CAST: variants seen among roughly 807,000 people sequenced by gnomAD.
CAST encodes MIR583 host.
A neutral mutation model predicts 119.6 loss-of-function variants in CAST; 76 were observed. The observed-to-expected ratio is 0.64, with a 90% CI of 0.53 to 0.77. CAST has a LOEUF of 0.77. CAST is among the 30% of genes least tolerant of loss of function. The pLI is 0.00. For missense variants in CAST, 953 were observed against 946.5 expected, an observed-to-expected ratio of 1.01 and a Z score of -0.09; for synonymous variants, 319 against 331.6, an observed-to-expected ratio of 0.96 and a Z score of 0.41.
chr5:96,274,992 A>T, the CAST span, among the ~76,000 whole-genome samples: 4 of 152,214 alleles, frequency 2.6e-5, no homozygotes, highest in African/African-American at 7.2e-5. Context: ...TGAACAATTT[A>T]TACTTTGAGG....
In CAST at chr5:96,650,281, G is replaced by A. The variant is rs1257166227; in HGVS notation, c.61-25258G>A. ...TAGAAGAATAATTAGGACTCTTCAC[G>A]CATTTTCCTTTTCCCTGTTAGAGGC... is the stretch of plus-strand genomic sequence containing the variant. On this transcript the variant is annotated intron_variant, in intron 1 of 11. Coordinates refer to the CAST transcript ENST00000505143. Among the ~76,000 whole-genome samples, 7 of 152,276 alleles carry A rather than the reference G, an allele frequency of 4.6e-5. No homozygotes were observed. The South Asian group carries it at 6.2e-4, about 14-fold the overall frequency.
the CAST span, among the ~76,000 whole-genome samples, chr5:96,493,266 A>G: frequency 6.6e-6 from 1 of 152,110 alleles, no homozygotes; most frequent in African/African-American, 2.4e-5. Flanking sequence ...AACATTTTTT[A>G]TGCCATTTTC....
the CAST span, among the ~76,000 whole-genome samples, chr5:96,055,062 A>G: frequency 2.6e-5 from 4 of 152,072 alleles, no homozygotes; most frequent in East Asian, 7.7e-4. Flanking sequence ...AGCCATGCAG[A>G]TTTATTCTTC....
chr5:96,461,407 T>C, the CAST span, among the ~76,000 whole-genome samples: 1 of 152,130 alleles, frequency 6.6e-6, no homozygotes, highest in African/African-American at 2.4e-5. Flanking sequence ...AGCACCTCTA[T>C]ATTTAACTTT....
the CAST span, among the ~76,000 whole-genome samples, chr5:96,099,865 C>T: frequency 6.6e-6 from 1 of 152,198 alleles, no homozygotes; most frequent in Non-Finnish European, 1.5e-5. Flanking sequence ...AAAGGAGTCC[C>T]TCCTCCTCAA....
At chr5:96,425,994 ACTATCT>A in the CAST span, 1 of 893,148 alleles carries the variant, frequency 1.1e-6, no homozygotes, top group Non-Finnish European at 1.8e-6. Context: ...ACTTCCTCTA[ACTATCT>A]CCAGTACCCT....
intron 1 of CAST, among the ~76,000 whole-genome samples, chr5:96,548,895 G>A (rs563215833): frequency 2.6e-5 from 4 of 152,344 alleles, no homozygotes; most frequent in East Asian, 3.9e-4. Context: ...TTAGTTCATA[G>A]CTGTCAGGCA....
the CAST span, among the ~76,000 whole-genome samples, chr5:96,193,828 G>A: frequency 6.6e-6 from 1 of 152,166 alleles, no homozygotes; most frequent in Non-Finnish European, 1.5e-5. Flanking sequence ...ATAGATGTTT[G>A]CATCCAGATG....
At chr5:96,469,129 A>G in the CAST span, among the ~76,000 whole-genome samples, 3 of 152,096 alleles carry the variant, frequency 2.0e-5, no homozygotes, top group Non-Finnish European at 4.4e-5. Flanking sequence ...GCTATGATTC[A>G]TTCACGAGTA....
the CAST span, among the ~76,000 whole-genome samples, chr5:96,328,382 C>CCTCT: frequency 2.1e-4 from 4 of 18,932 alleles, no homozygotes; most frequent in East Asian, 2.7e-3. Flanking sequence ...CTTCTCTCTC[C>CCTCT]CTCTCTCTCT....
the CAST span, among the ~76,000 whole-genome samples, chr5:96,414,729 C>A: frequency 2.0e-5 from 3 of 152,186 alleles, no homozygotes; most frequent in African/African-American, 7.2e-5. Flanking sequence ...GATTCTTTCA[C>A]AAACTATAGC....
the CAST span, among the ~76,000 whole-genome samples, chr5:96,286,664 A>G: frequency 1.3e-4 from 20 of 152,160 alleles, no homozygotes; most frequent in South Asian, 4.1e-3. Flanking sequence ...AGACTGTTGC[A>G]TTTTTATTTT....
At chr5:96,135,691 T>C in the CAST span, among the ~76,000 whole-genome samples, 1 of 152,126 alleles carries the variant, frequency 6.6e-6, no homozygotes, top group Admixed American at 6.6e-5. Context: ...TGTTTCTGCC[T>C]TCTGTGTCCT....
the CAST span, among the ~76,000 whole-genome samples, chr5:96,234,879 A>G: frequency 6.6e-6 from 1 of 152,132 alleles, no homozygotes. Flanking sequence ...CATAAAATAA[A>G]TTACATATGT....
chr5:95,988,672 G>C, the CAST span, among the ~76,000 whole-genome samples: 1 of 152,068 alleles, frequency 6.6e-6, no homozygotes, highest in Admixed American at 6.6e-5. Context: ...ATGTTGGATG[G>C]GTTTCTTTAC....
At chr5:96,725,780 G>T (rs1759143181) in intron 4 of CAST, among the ~76,000 whole-genome samples, 2 of 152,140 alleles carry the variant, frequency 1.3e-5, no homozygotes, top group African/African-American at 4.8e-5. Context: ...TATACTACCA[G>T]CTGGCTTATT....
At chr5:96,432,779 TG>T in the CAST span, 2 of 1,136,524 alleles carry the variant, frequency 1.8e-6, no homozygotes, top group Non-Finnish European at 2.7e-6. Flanking sequence ...GAGTGCAACC[TG>T]GGGCTCCCAC....
the CAST span, among the ~76,000 whole-genome samples, chr5:96,010,105 G>T: frequency 6.6e-6 from 1 of 152,110 alleles, no homozygotes; most frequent in African/African-American, 2.4e-5. Flanking sequence ...ATGGTTATAG[G>T]CATGGGGCTT....
chr5:96,555,212 C>T (rs1448964065), intron 1 of CAST, among the ~76,000 whole-genome samples: 1 of 152,204 alleles, frequency 6.6e-6, no homozygotes, highest in Non-Finnish European at 1.5e-5. Flanking sequence ...CCATGGAGTA[C>T]TATGCAGCCA....
Sources: gnomAD v4.1 joint callset for allele counts (sites outside exome capture counted in the v4.1 genomes callset) on GRCh38, gnomAD v4.1.1 for gene constraint, MANE v1.5 for transcripts, NCBI Gene and HGNC (gene_info 2026-07-23, HGNC 2026-07-21) for gene names.